CSMD1: variants seen among roughly 807,000 people sequenced by gnomAD.
CSMD1 encodes the protein CUB and sushi domain-containing protein 1.
CSMD1 carries 213 observed loss-of-function variants against 417.5 expected under a neutral mutation model. That is an observed-to-expected ratio of 0.51 (90% CI 0.46 to 0.57). The LOEUF is 0.57. Among genes scored for constraint, CSMD1 ranks in the 20% least tolerant of loss-of-function variants. The pLI is 0.00. For synonymous variants in CSMD1, 2,862 were observed against 1,736.8 expected, an observed-to-expected ratio of 1.65 and a Z score of -16.11; for missense variants, 6,923 against 4,529.7, an observed-to-expected ratio of 1.53 and a Z score of -15.17.
At chr8:4,146,062 T>G (rs11779175) in intron 3 of CSMD1, among the ~76,000 whole-genome samples, 3 of 150,376 alleles carry the variant, frequency 2.0e-5, no homozygotes, top group Non-Finnish European at 4.4e-5. Context: ...TTGCAGACAC[T>G]TGAGGGAGGC....
At position 3,730,835 on chromosome 8, in the gene CSMD1, A is replaced by G. The variant is rs1802803289; in HGVS notation, c.932-22344T>C. On this transcript the variant is annotated intron_variant, in intron 6 of 69. Transcript: ENST00000635120. ...AAAACAACCCCATTCATGTTATGCC[A>G]GATATTAGGAAATTATGCTAGAGGT... Among the ~76,000 whole-genome samples, 10 of 152,310 alleles carry G rather than the reference A, an allele frequency of 6.6e-5. No individual in the cohort carries two copies. In the South Asian group the frequency reaches 2.1e-3, roughly 32 times the overall value.
intron 5 of CSMD1, among the ~76,000 whole-genome samples, chr8:3,933,745 G>C (rs547772464): frequency 4.3e-4 from 66 of 152,208 alleles, no homozygotes; most frequent in Non-Finnish European, 8.7e-4. Flanking sequence ...GGAGAAATGA[G>C]GTGAGATTTA....
intron 1 of CSMD1, among the ~76,000 whole-genome samples, chr8:4,696,508 C>A (rs1363169032): frequency 6.6e-6 from 1 of 152,138 alleles, no homozygotes; most frequent in Non-Finnish European, 1.5e-5. Flanking sequence ...TAGAGGAAAA[C>A]AGGTCTTAAA....
chr8:4,153,923 G>A (rs1412467565), intron 3 of CSMD1, among the ~76,000 whole-genome samples: 1 of 152,220 alleles, frequency 6.6e-6, no homozygotes, highest in Non-Finnish European at 1.5e-5. Context: ...AGCCAACGAG[G>A]CACTGTGGAT....
chr8:3,866,009 G>T (rs965650995), intron 5 of CSMD1, among the ~76,000 whole-genome samples: 1 of 152,122 alleles, frequency 6.6e-6, no homozygotes, highest in Non-Finnish European at 1.5e-5. Flanking sequence ...TCATGTTAGT[G>T]AGATAAATCG....
intron 3 of CSMD1, among the ~76,000 whole-genome samples, chr8:4,136,443 T>A (rs1033321441): frequency 1.3e-5 from 2 of 152,190 alleles, no homozygotes; most frequent in Non-Finnish European, 2.9e-5. Flanking sequence ...CAAGCATCCC[T>A]TTTGAAAAAT....
chr8:2,979,566 A>G (rs1387073912), intron 54 of CSMD1, among the ~76,000 whole-genome samples: 1 of 152,248 alleles, frequency 6.6e-6, no homozygotes, highest in African/African-American at 2.4e-5. Context: ...CAGAGGCCAC[A>G]GTCTCTCCAG....
chr8:3,315,760 T>G (rs971944856), intron 23 of CSMD1, among the ~76,000 whole-genome samples: 1 of 152,198 alleles, frequency 6.6e-6, no homozygotes, highest in Admixed American at 6.5e-5. Flanking sequence ...GAAAATCAGA[T>G]AGCCAAATTA....
intron 2 of CSMD1, among the ~76,000 whole-genome samples, chr8:4,442,237 T>G (rs926085719): frequency 6.6e-6 from 1 of 152,320 alleles, no homozygotes; most frequent in South Asian, 2.1e-4. Context: ...AGTGCAGTGA[T>G]GGCTGTTTAT....
chr8:4,909,621 G>A (rs192157736), intron 1 of CSMD1, among the ~76,000 whole-genome samples: 2 of 152,142 alleles, frequency 1.3e-5, no homozygotes, highest in South Asian at 4.1e-4. Flanking sequence ...ACTTCATGGG[G>A]TTCCTAGAAG....
chr8:3,244,153 G>A (rs143172571), intron 26 of CSMD1, among the ~76,000 whole-genome samples: 1 of 152,224 alleles, frequency 6.6e-6, no homozygotes, highest in Non-Finnish European at 1.5e-5. Flanking sequence ...AAGGAAAGCT[G>A]TTGGGTTCGA....
chr8:3,229,969 T>C lies in CSMD1; in HGVS notation c.4345+71A>G, dbSNP rs1284064944. On this transcript the variant is annotated intron_variant, in intron 27 of 69. Transcript: ENST00000635120. Reference sequence around the variant, plus strand: ...AATATTTCTGAAGAAATAATACATTTACGGAGCGCTTTTAACGACAACATG... The same window carrying C: ...AATATTTCTGAAGAAATAATACATTCACGGAGCGCTTTTAACGACAACATG... The C allele has an allele frequency of 2.8e-6, 3 of 1,064,300 alleles. No homozygotes were observed. The African/African-American group carries it at 4.8e-5, about 17-fold the overall frequency. The allele number at this position is 1,064,300 out of a possible 1,614,324, so 65.9% of individuals were successfully genotyped here. A position where few individuals can be genotyped will look rare whatever the true frequency, so the allele number is the denominator to read the frequency against.
intron 1 of CSMD1, among the ~76,000 whole-genome samples, chr8:4,909,714 T>C (rs7829049): frequency 0.82 from 125,387 of 152,186 alleles, 51,698 homozygotes; most frequent in Admixed American, 0.85. Flanking sequence ...CAGCAGCTCA[T>C]GAAAGTGACC....
chr8:3,309,168 C>A (rs116792081), intron 23 of CSMD1, among the ~76,000 whole-genome samples: 3,279 of 152,276 alleles, frequency 0.022, 119 homozygotes, highest in African/African-American at 0.074. Context: ...CCCTCTGTCA[C>A]AACCTAGACC....
chr8:3,513,762 C>A (rs1797174922), intron 10 of CSMD1, among the ~76,000 whole-genome samples: 1 of 152,182 alleles, frequency 6.6e-6, no homozygotes, highest in Non-Finnish European at 1.5e-5. Flanking sequence ...CTGCAGAGTG[C>A]AGCTTCACCA....
chr8:4,453,444 G>C (rs900297452), intron 2 of CSMD1, among the ~76,000 whole-genome samples: 2 of 152,148 alleles, frequency 1.3e-5, no homozygotes, highest in African/African-American at 4.8e-5. Context: ...CCCGTGTGTT[G>C]GTGCAGCAGC....
At chr8:4,742,582 G>A (rs1265005646) in intron 1 of CSMD1, among the ~76,000 whole-genome samples, 3 of 151,622 alleles carry the variant, frequency 2.0e-5, no homozygotes, top group South Asian at 2.1e-4. Flanking sequence ...TTTTTATTTA[G>A]CCATTATTAT....
chr8:3,760,654 A>T (rs1797942457), intron 5 of CSMD1, among the ~76,000 whole-genome samples: 1 of 152,194 alleles, frequency 6.6e-6, no homozygotes, highest in African/African-American at 2.4e-5. Context: ...ATTTATGGGG[A>T]TAATTTTCTA....
chr8:4,019,429 C>A (rs1424870446), intron 4 of CSMD1, among the ~76,000 whole-genome samples: 2 of 152,048 alleles, frequency 1.3e-5, no homozygotes, highest in East Asian at 3.9e-4. Flanking sequence ...TCTTCATGTA[C>A]CTAAAAGGAA....
Sources: allele counts gnomAD v4.1 joint callset (sites outside exome capture counted in the v4.1 genomes callset), GRCh38; gene constraint gnomAD v4.1.1; transcripts MANE v1.5; gene names NCBI Gene and HGNC (gene_info 2026-07-23, HGNC 2026-07-21).